Variants in ARHGAP21 observed in about 807,000 individuals in gnomAD.
The protein encoded by ARHGAP21 is rho GTPase-activating protein 21.
A neutral mutation model predicts 164.6 loss-of-function variants in ARHGAP21; 38 were observed. The ratio of observed to expected loss-of-function variants is 0.23; its 90% CI spans 0.18 to 0.30. The LOEUF (loss-of-function observed/expected upper bound fraction) is 0.30. ARHGAP21 is among the 10% of genes least tolerant of loss of function. ARHGAP21 has a pLI of 1.00. For synonymous variants in ARHGAP21, 766 were observed against 857.9 expected, an observed-to-expected ratio of 0.89 and a Z score of 1.87; for missense variants, 1,822 against 2,370.7, an observed-to-expected ratio of 0.77 and a Z score of 4.81.
rs372303649 is a variant in ARHGAP21, at chr10:24,607,568, G to C, written c.2615C>G (p.Pro872Arg). 1.2e-6 allele frequency: 2 copies of C among 1,613,980 alleles called. No homozygotes were observed. The highest frequency in any genetic ancestry group is 8.5e-7 in the Non-Finnish European group (1 of 1,180,006). The change falls in exon 11 of 26, where the codon CCC becomes CGC. Residue 872 changes from proline to arginine, a missense_variant. By Grantham distance (103) the Pro-to-Arg change is moderately radical. Transcript: ENST00000396432. ...SVGPPSLDAQ[P>R]NSKTERSKSY... ...TTTTGATCTTTCTGTCTTTGAGTTG[G>C]GCTGAGCATCCAGGCTAGGAGGGCC...
intron 14 of ARHGAP21, among the ~76,000 whole-genome samples, chr10:24,599,852 G>A (rs1259280576): frequency 6.6e-6 from 1 of 152,092 alleles, no homozygotes; most frequent in Non-Finnish European, 1.5e-5. Flanking sequence ...AGAAATGCTG[G>A]GCCGGGCGCG....
chr10:24,717,979 G>A (rs988585365), intron 2 of ARHGAP21, among the ~76,000 whole-genome samples: 12 of 152,160 alleles, frequency 7.9e-5, no homozygotes, highest in African/African-American at 2.9e-4. Context: ...CTGCCCATCA[G>A]GAGGATCATT....
At chr10:24,666,314 G>A (rs2131729722) in intron 4 of ARHGAP21, among the ~76,000 whole-genome samples, 1 of 152,356 alleles carries the variant, frequency 6.6e-6, no homozygotes, top group East Asian at 1.9e-4. Flanking sequence ...ACAGGCGTGA[G>A]CGACTGCGCC....
At chr10:24,686,842 C>T (rs1842257963) in intron 2 of ARHGAP21, among the ~76,000 whole-genome samples, 1 of 152,156 alleles carries the variant, frequency 6.6e-6, no homozygotes, top group Non-Finnish European at 1.5e-5. Flanking sequence ...TTCTCAGCAC[C>T]AAAGTGCCTT....
At chr10:24,606,920 CAT>C (rs1370910060) in intron 11 of ARHGAP21, among the ~76,000 whole-genome samples, 1 of 152,172 alleles carries the variant, frequency 6.6e-6, no homozygotes, top group Non-Finnish European at 1.5e-5. Flanking sequence ...TATTTATTCA[CAT>C]GTGCTAACCG....
intron 13 of ARHGAP21, 95 bp downstream of exon 13, chr10:24,601,883 T>A: frequency 7.8e-7 from 1 of 1,284,500 alleles, no homozygotes; most frequent in Non-Finnish European, 1.0e-6. Flanking sequence ...CACTCTTTAA[T>A]CTGGATATCA....
intron 3 of ARHGAP21, among the ~76,000 whole-genome samples, chr10:24,669,193 GAA>G (rs935452034): frequency 6.6e-6 from 1 of 151,076 alleles, no homozygotes; most frequent in East Asian, 1.9e-4. Flanking sequence ...AAAAGAAAAG[GAA>G]AAAAAAGAGC....
At chr10:24,641,446 C>A (rs1333781344) in intron 4 of ARHGAP21, among the ~76,000 whole-genome samples, 4 of 152,118 alleles carry the variant, frequency 2.6e-5, no homozygotes, top group African/African-American at 9.7e-5. Context: ...ATCTGCAGAT[C>A]CAGCAATTAC....
rs2076603040 is a variant in ARHGAP21, at chr10:24,596,815, T to C, written c.3402A>G (p.Thr1134=). The change falls in exon 17 of 26, where the codon ACA becomes ACG. Residue 1134 remains threonine (T), a synonymous_variant. Transcript: ENST00000396432. ...CTGTAGCAGTTGGCTTTTTCTCAAA[T>C]GTCTTTCTCATGATACTTGGAATGC... ...RKGIPSIMRK[T]FEKKPTATGT... The C allele has an allele frequency of 1.9e-6, 3 of 1,612,628 alleles. No individual in the cohort carries two copies. The highest frequency in any genetic ancestry group is 2.5e-6 in the Non-Finnish European group (3 of 1,179,514).
chr10:24,723,484 C>G (rs965609543), intron 1 of ARHGAP21, 78 bp downstream of exon 1: 2 of 147,320 alleles, frequency 1.4e-5, no homozygotes, highest in Non-Finnish European at 3.0e-5. Context: ...GGGAGAGAGC[C>G]CGCGGCAAGC....
intron 9 of ARHGAP21, among the ~76,000 whole-genome samples, chr10:24,610,372 CAA>C (rs66658477): frequency 1.1e-3 from 118 of 109,488 alleles, no homozygotes; most frequent in African/African-American, 1.6e-3. Context: ...GACTCTGTCA[CAA>C]AAAAAAAAAA....
chr10:24,674,685 CAA>C (rs1216586159), intron 2 of ARHGAP21, among the ~76,000 whole-genome samples: 2 of 151,878 alleles, frequency 1.3e-5, no homozygotes, highest in South Asian at 2.1e-4. Flanking sequence ...AACCCTGCCT[CAA>C]AAAATATATA....
At chr10:24,633,503 A>C in intron 5 of ARHGAP21, 23 bp from the exon 6 acceptor site, 1 of 1,540,928 alleles carries the variant, frequency 6.5e-7, no homozygotes, top group Non-Finnish European at 8.9e-7. Context: ...GTTAAAAAAC[A>C]AATGAGAGAT....
At chr10:24,645,867 C>G (rs1038757530) in intron 4 of ARHGAP21, among the ~76,000 whole-genome samples, 1 of 152,142 alleles carries the variant, frequency 6.6e-6, no homozygotes, top group African/African-American at 2.4e-5. Context: ...CAATGGAGAA[C>G]AATAAGCAGA....
rs186809400 is a variant in ARHGAP21, at chr10:24,611,341, T to C, written c.2423-3438A>G. ...CTGTAGAAATCAGTAAACTGTTGAG[T>C]TGTCACCAACGGCCACCTTTTCTAC... is the stretch of plus-strand genomic sequence containing the variant. On this transcript the variant is annotated intron_variant, in intron 9 of 25. Transcript: ENST00000396432. 2.5e-3 allele frequency among the ~76,000 whole-genome samples: 384 copies of C among 152,292 alleles called. 3 individuals carry two copies. Among genetic ancestry groups the C allele is most frequent in the African/African-American group, 9.0e-3 (373 of 41,570 alleles).
intron 24 of ARHGAP21, 36 bp from the exon 25 acceptor site, chr10:24,589,338 C>G (rs2076237744): frequency 1.3e-6 from 2 of 1,570,964 alleles, no homozygotes; most frequent in Non-Finnish European, 1.7e-6. Context: ...TCAGTATTAG[C>G]CAATCTTTAC....
chr10:24,633,613 A>G, intron 5 of ARHGAP21, 133 bp from the exon 6 acceptor site: 1 of 502,986 alleles, frequency 2.0e-6, no homozygotes, highest in Non-Finnish European at 3.4e-6. Flanking sequence ...CAGAGTTGTG[A>G]GAAAATTATT....
In ARHGAP21 at chr10:24,584,823, A is replaced by G; in HGVS notation, c.5466T>C (p.His1822=). The G allele has an allele frequency of 6.2e-7, 1 of 1,613,964 alleles. No individual in the cohort carries two copies. The highest frequency in any genetic ancestry group is 1.3e-5 in the African/African-American group (1 of 75,040). ...CAGATTCTCTCTCCCCGCTCTGCTC[A>G]TGCACTTTCCAAAAATTCAAAACGC... ...EISVLNFWKV[H]EQSGERESEL... The change falls in exon 26 of 26, where the codon CAT becomes CAC. Residue 1822 remains histidine (H), a synonymous_variant. Coordinates refer to ENST00000396432, the MANE Select transcript of ARHGAP21 (RefSeq NM_020824.4).
At chr10:24,701,148 G>T (rs1355457204) in intron 2 of ARHGAP21, among the ~76,000 whole-genome samples, 4 of 152,060 alleles carry the variant, frequency 2.6e-5, no homozygotes, top group Non-Finnish European at 5.9e-5. Context: ...AGGAAGACAA[G>T]AGGAAGGAGC....
Sources: allele counts gnomAD v4.1 joint callset (sites outside exome capture counted in the v4.1 genomes callset), GRCh38; gene constraint gnomAD v4.1.1; transcripts MANE v1.5; gene names NCBI Gene and HGNC (gene_info 2026-07-23, HGNC 2026-07-21).